Variants in THSD7A observed in about 807,000 individuals in gnomAD.
The protein encoded by THSD7A is thrombospondin type-1 domain-containing protein 7A.
Under a neutral mutation model 231.3 loss-of-function variants are expected in THSD7A, and 96 were observed. The ratio of observed to expected loss-of-function variants is 0.41; its 90% CI spans 0.35 to 0.49. The LOEUF (loss-of-function observed/expected upper bound fraction) is 0.49, where lower values mean the gene tolerates loss of function less well. Ranked by LOEUF, THSD7A falls within the 20% of genes least tolerant of loss-of-function variation. The pLI, the probability that THSD7A is intolerant of heterozygous loss-of-function variation, is 0.05. For missense variants in THSD7A, 2,290 were observed against 2,070.2 expected (o/e 1.11, Z -2.06); for synonymous variants, 940 against 743.3 (o/e 1.26, Z -4.30).
intron 13 of THSD7A, among the ~76,000 whole-genome samples, chr7:11,434,732 C>T (rs182163079): frequency 6.6e-6 from 1 of 151,932 alleles, no homozygotes; most frequent in Admixed American, 6.6e-5. Context: ...AGACTTTTAT[C>T]TATTGTGGTC....
At chr7:11,725,451 C>G (rs1173552412) in intron 1 of THSD7A, among the ~76,000 whole-genome samples, 3 of 151,894 alleles carry the variant, frequency 2.0e-5, no homozygotes, top group African/African-American at 7.2e-5. Context: ...TCTTGTTTGG[C>G]TTTGAATGGT....
chr7:11,658,803 C>A (rs1782806684), intron 1 of THSD7A, among the ~76,000 whole-genome samples: 1 of 151,682 alleles, frequency 6.6e-6, no homozygotes, highest in Admixed American at 6.6e-5. Context: ...TCCTTTGTCT[C>A]TGGCATATCT....
At chr7:11,820,500 T>C in intron 1 of THSD7A, 1 of 919,298 alleles carries the variant, frequency 1.1e-6, no homozygotes, top group African/African-American at 1.7e-5. Flanking sequence ...CTTCTTGCTT[T>C]TGGGTGTGTA....
intron 1 of THSD7A, among the ~76,000 whole-genome samples, chr7:11,671,498 T>A (rs1470889046): frequency 6.6e-6 from 1 of 152,176 alleles, no homozygotes; most frequent in African/African-American, 2.4e-5. Flanking sequence ...TGGCCTTGTG[T>A]TCATTTATTA....
At chr7:11,485,715 G>A (rs1408738479) in intron 6 of THSD7A, among the ~76,000 whole-genome samples, 3 of 152,144 alleles carry the variant, frequency 2.0e-5, no homozygotes, top group African/African-American at 4.8e-5. Flanking sequence ...AGGATGCCAA[G>A]GCAGTAAATA....
chr7:11,579,718 G>T (rs1216656035), intron 4 of THSD7A, among the ~76,000 whole-genome samples: 1 of 152,072 alleles, frequency 6.6e-6, no homozygotes, highest in Admixed American at 6.6e-5. Flanking sequence ...TAAAACTGGG[G>T]GGTCAAAGAA....
intron 1 of THSD7A, among the ~76,000 whole-genome samples, chr7:11,775,261 G>C (rs1038172039): frequency 2.0e-5 from 3 of 152,084 alleles, no homozygotes; most frequent in Non-Finnish European, 4.4e-5. Context: ...AGGTAAAATG[G>C]AGCAGCCTCT....
intron 4 of THSD7A, among the ~76,000 whole-genome samples, chr7:11,577,513 C>T (rs1396698489): frequency 1.3e-5 from 2 of 151,812 alleles, no homozygotes; most frequent in South Asian, 2.1e-4. Flanking sequence ...GATGGATTTT[C>T]GCCATGTTGA....
In THSD7A at chr7:11,371,922, G is replaced by C. The variant is rs1372932084; in HGVS notation, c.*3872C>G. The C allele has an allele frequency of 6.6e-6, 1 of 151,754 alleles. No individual in the cohort carries two copies. Among genetic ancestry groups the C allele is most frequent in the African/African-American group, 2.4e-5 (1 of 41,304 alleles). 9.4% of individuals were successfully genotyped at this position (151,754 alleles called of 1,614,324 possible). On this transcript the variant is annotated 3_prime_UTR_variant, in exon 28 of 28. Transcript: ENST00000423059. ...TTTTTTTAATTAAAAAATTGGGCAT[G>C]TTTAGTGGGAAGTAGGTAAGAATAG...
At chr7:11,600,284 C>T (rs1780504433) in intron 2 of THSD7A, among the ~76,000 whole-genome samples, 2 of 152,106 alleles carry the variant, frequency 1.3e-5, no homozygotes, top group African/African-American at 2.4e-5. Context: ...TATTCAAGTA[C>T]ATCCACTTTT....
rs1202035641 is a variant in THSD7A, at chr7:11,763,631, T to C, written c.190+68126A>G. ...GATGAATTAATAAGACTTCTTAGTG[T>C]TTATAACTTAAACAGTAAGAAATTA... On this transcript the variant is annotated intron_variant, in intron 1 of 27. Coordinates refer to ENST00000423059, the MANE Select transcript of THSD7A (RefSeq NM_015204.3). Among the ~76,000 whole-genome samples the C allele has an allele frequency of 2.0e-5, 3 of 152,164 alleles. No homozygotes were observed. In the East Asian group the frequency reaches 5.8e-4, roughly 29 times the overall value.
At chr7:11,548,698 G>T (rs1371301005) in intron 4 of THSD7A, among the ~76,000 whole-genome samples, 1 of 151,920 alleles carries the variant, frequency 6.6e-6, no homozygotes, top group African/African-American at 2.4e-5. Context: ...ACAAAAGGTT[G>T]GTTCAATATA....
chr7:11,557,408 C>T (rs1416243321), intron 4 of THSD7A, among the ~76,000 whole-genome samples: 1 of 151,992 alleles, frequency 6.6e-6, no homozygotes, highest in African/African-American at 2.4e-5. Flanking sequence ...TCATGGCTTC[C>T]TTATATCTTG....
chr7:11,437,956 C>G (rs551346079), intron 13 of THSD7A, among the ~76,000 whole-genome samples: 1 of 151,864 alleles, frequency 6.6e-6, no homozygotes, highest in African/African-American at 2.4e-5. Context: ...CTCTTAAAGT[C>G]TATTTGTAAA....
chr7:11,802,108 G>C (rs1784293180), intron 1 of THSD7A, among the ~76,000 whole-genome samples: 1 of 152,042 alleles, frequency 6.6e-6, no homozygotes, highest in Non-Finnish European at 1.5e-5. Context: ...GAAATTTCCT[G>C]GTTTTAGAGT....
chr7:11,381,156 C>T (rs1166878742), intron 24 of THSD7A, among the ~76,000 whole-genome samples: 2 of 152,090 alleles, frequency 1.3e-5, no homozygotes, highest in Non-Finnish European at 2.9e-5. Flanking sequence ...ATTCAGAAAG[C>T]CTGTCTATCC....
chr7:11,705,215 C>T (rs924003801), intron 1 of THSD7A, among the ~76,000 whole-genome samples: 4 of 150,808 alleles, frequency 2.7e-5, no homozygotes, highest in Non-Finnish European at 5.9e-5. Context: ...ATGTAATGCA[C>T]TAAATTTAAT....
intron 1 of THSD7A, among the ~76,000 whole-genome samples, chr7:11,806,856 T>C (rs1012645009): frequency 1.3e-5 from 2 of 152,138 alleles, no homozygotes; most frequent in African/African-American, 4.8e-5. Context: ...CTTTTAGGCC[T>C]TCTAAGTTCC....
At chr7:11,671,082 C>T (rs1783370403) in intron 1 of THSD7A, among the ~76,000 whole-genome samples, 1 of 152,164 alleles carries the variant, frequency 6.6e-6, no homozygotes, top group East Asian at 1.9e-4. Flanking sequence ...AGCTCTGCTG[C>T]CATGTCCATG....
Sources: gnomAD v4.1 joint callset for allele counts (sites outside exome capture counted in the v4.1 genomes callset) on GRCh38, gnomAD v4.1.1 for gene constraint, MANE v1.5 for transcripts, NCBI Gene and HGNC (gene_info 2026-07-23, HGNC 2026-07-21) for gene names.